ZNF16: variants seen among roughly 807,000 people sequenced by gnomAD.
The protein encoded by ZNF16 is zinc finger protein 16.
In ZNF16, 7 loss-of-function variants were observed where a neutral mutation model predicts 9.0. The observed-to-expected ratio is 0.78, with a 90% CI of 0.44 to 1.47. The LOEUF (loss-of-function observed/expected upper bound fraction) is 1.47, where lower values mean the gene tolerates loss of function less well. Among genes scored for constraint, ZNF16 ranks in the 40% most tolerant of loss-of-function variants. ZNF16 has a pLI of 0.01. For missense variants in ZNF16, 830 were observed against 854.2 expected (o/e 0.97, Z 0.35); for synonymous variants, 312 against 301.5 (o/e 1.03, Z -0.36).
intron 2 of ZNF16, among the ~76,000 whole-genome samples, chr8:144,936,641 T>G (rs1833687961): frequency 6.6e-6 from 1 of 152,226 alleles, no homozygotes; most frequent in Non-Finnish European, 1.5e-5. Context: ...ACTAATGATG[T>G]TAAGCATCTT....
At chr8:144,950,249 T>G (rs1834074934) in intron 1 of ZNF16, among the ~76,000 whole-genome samples, 3 of 151,120 alleles carry the variant, frequency 2.0e-5, no homozygotes, top group Admixed American at 1.3e-4. Flanking sequence ...GCATTCCTCT[T>G]GCTGAGATAA....
chr8:144,945,334 T>G (rs983897522), intron 2 of ZNF16: 1 of 152,098 alleles, frequency 6.6e-6, no homozygotes, highest in African/African-American at 2.4e-5. Context: ...AGACAGGGTT[T>G]TACCATGTTA....
At chr8:144,945,796 G>T in intron 2 of ZNF16, 2 of 910,540 alleles carry the variant, frequency 2.2e-6, no homozygotes, top group Non-Finnish European at 3.1e-6. Context: ...ATACCTCTTC[G>T]TGTCAAGTGG....
chr8:144,936,231 C>T (rs377639839), intron 2 of ZNF16, among the ~76,000 whole-genome samples: 6 of 152,180 alleles, frequency 3.9e-5, no homozygotes, highest in African/African-American at 1.2e-4. Flanking sequence ...GAGGTTTATC[C>T]GCGTGTAGCA....
intron 1 of ZNF16, among the ~76,000 whole-genome samples, chr8:144,946,552 G>GGGCCATACCCTTCTGT (rs1563925519): frequency 1.2e-5 from 1 of 82,014 alleles, no homozygotes; most frequent in Admixed American, 1.1e-4. Context: ...GTACTGCTGT[G>GGGCCATACCCTTCTGT]GGGCCTGTAC....
intron 1 of ZNF16, 47 bp from the exon 2 acceptor site, chr8:144,946,262 T>G: frequency 6.1e-4 from 864 of 1,412,352 alleles, no homozygotes; most frequent in Non-Finnish European, 7.4e-4. Context: ...AGGCTAGCTC[T>G]AGGGATTCAT....
chr8:144,945,677 G>C (rs988748699), intron 2 of ZNF16: 3 of 225,166 alleles, frequency 1.3e-5, no homozygotes, highest in Admixed American at 5.2e-5. Context: ...ACAAAGCCCT[G>C]GACCAGAGTA....
In ZNF16 at chr8:144,931,604, G is replaced by A. The variant is rs753593563; in HGVS notation, c.1183C>T (p.His395Tyr). 1 of 1,614,186 alleles carries A rather than the reference G, an allele frequency of 6.2e-7. No individual in the cohort carries two copies. ...TTCTCTCCAGTGTGGACCCTCTGGTGCTTCCTCAGGTGTGCACTCTGGCTG... is the reference window on the plus strand; with the variant it reads ...TTCTCTCCAGTGTGGACCCTCTGGTACTTCCTCAGGTGTGCACTCTGGCTG... ...AFSQSAHLRK[H>Y]QRVHTGEKPY... is the part of the protein sequence containing the mutation. Residue 395 changes from histidine to tyrosine, a missense_variant, in exon 3 of 3, where the codon CAC becomes TAC. Physicochemically the swap from His to Tyr is moderately conservative, Grantham distance 83 (BLOSUM62 2). Coordinates refer to ENST00000394909, the MANE Select transcript of ZNF16 (RefSeq NM_006958.3).
intron 1 of ZNF16, among the ~76,000 whole-genome samples, chr8:144,946,628 G>C (rs1833946417): frequency 8.0e-6 from 1 of 125,224 alleles, no homozygotes; most frequent in Non-Finnish European, 1.7e-5. Flanking sequence ...CCTGCTGTTG[G>C]GCCTGTGTCC....
chr8:144,939,074 TG>T (rs1833744907), intron 2 of ZNF16, among the ~76,000 whole-genome samples: 3 of 152,344 alleles, frequency 2.0e-5, no homozygotes, highest in Admixed American at 1.3e-4. Context: ...CCTTATATCC[TG>T]GGTTAAATCC....
chr8:144,943,906 G>A (rs1051324637), intron 2 of ZNF16, among the ~76,000 whole-genome samples: 1 of 152,100 alleles, frequency 6.6e-6, no homozygotes, highest in Non-Finnish European at 1.5e-5. Context: ...TTTTCTGCCT[G>A]CTCAAATCTA....
In ZNF16 at chr8:144,933,163, C is replaced by T. The variant is rs975371191; in HGVS notation, c.197-573G>A. Among the ~76,000 whole-genome samples the T allele has an allele frequency of 7.9e-5, 12 of 152,268 alleles. No homozygotes were observed. Among genetic ancestry groups the T allele is most frequent in the Admixed American group, 2.0e-4 (3 of 15,300 alleles). On this transcript the variant is annotated intron_variant, in intron 2 of 2. Transcript: ENST00000394909. The surrounding 1 kb of genome is among the most constrained non-coding windows in gnomAD (Gnocchi z 5.6). ...GAGTCACTAGTGTGGAGAGAGACCCCGTTGTACACAGAGAAGAAACCCAGC... is the reference window on the plus strand; with the variant it reads ...GAGTCACTAGTGTGGAGAGAGACCCTGTTGTACACAGAGAAGAAACCCAGC...
At chr8:144,945,304 A>C (rs1438696179) in intron 2 of ZNF16, 1 of 151,626 alleles carries the variant, frequency 6.6e-6, no homozygotes, top group Non-Finnish European at 1.5e-5. Context: ...ACACCTGGCT[A>C]ATTTTTGTAC....
In ZNF16 at chr8:144,932,678, G is replaced by A; in HGVS notation, c.197-88C>T. ...AGTCACAGTTGCACCCACTAACTGT[G>A]GAGGAGGCAAGGGGAGCAGGGGATC... On this transcript the variant is annotated intron_variant, in intron 2 of 2. Coordinates refer to ENST00000394909, the MANE Select transcript of ZNF16 (RefSeq NM_006958.3). The surrounding 1 kb of genome is among the most constrained non-coding windows in gnomAD (Gnocchi z 5.0). 1 of 1,435,490 alleles carries A rather than the reference G, an allele frequency of 7.0e-7. No individual in the cohort carries two copies. The highest frequency in any genetic ancestry group is 9.5e-7 in the Non-Finnish European group (1 of 1,055,076). The allele number at this position is 1,435,490 out of a possible 1,614,324, so 88.9% of individuals were successfully genotyped here.
In ZNF16 at chr8:144,933,244, G is replaced by A. The variant is rs139007573; in HGVS notation, c.197-654C>T. On this transcript the variant is annotated intron_variant, in intron 2 of 2. Transcript: ENST00000394909. This position sits in a 1 kb window ranked among gnomAD's most constrained non-coding sequence, Gnocchi z 5.6. ...ATGGAGGCATCATTCAACCACTCCTGTGCGGCAGGGACCTGTGTGGAACAT... is the reference window on the plus strand; with the variant it reads ...ATGGAGGCATCATTCAACCACTCCTATGCGGCAGGGACCTGTGTGGAACAT... Among the ~76,000 whole-genome samples, 145 of 152,232 alleles carry A rather than the reference G, an allele frequency of 9.5e-4. No homozygotes were observed. Among genetic ancestry groups the A allele is most frequent in the African/African-American group, 3.4e-3 (142 of 41,546 alleles).
At chr8:144,937,138 TC>T (rs1373505315) in intron 2 of ZNF16, among the ~76,000 whole-genome samples, 5,714 of 132,810 alleles carry the variant, frequency 0.043, 239 homozygotes, top group Middle Eastern at 0.086. Flanking sequence ...ACTTTCTTTC[TC>T]TCTCTTTTTT....
chr8:144,943,371 C>T (rs906962186), intron 2 of ZNF16, among the ~76,000 whole-genome samples: 14 of 152,112 alleles, frequency 9.2e-5, no homozygotes, highest in African/African-American at 3.4e-4. Flanking sequence ...TGTGTGTAGA[C>T]ATGTCTTTCA....
At position 144,934,995 on chromosome 8, in the gene ZNF16, G is replaced by C. The variant is rs28692539; in HGVS notation, c.197-2405C>G. Among the ~76,000 whole-genome samples the C allele has an allele frequency of 7.0e-3, 1,072 of 152,146 alleles. 16 individuals are homozygous for C. Among genetic ancestry groups the C allele is most frequent in the African/African-American group, 0.025 (1,026 of 41,462 alleles). On this transcript the variant is annotated intron_variant, in intron 2 of 2. Transcript: ENST00000394909. ...AGATGGCGACCATGAGGAACGGGTT[G>C]TCTAGCCCGAGCCACTGTTTAGATA... is the stretch of plus-strand genomic sequence containing the variant.
At chr8:144,943,111 A>G (rs1833842868) in intron 2 of ZNF16, among the ~76,000 whole-genome samples, 1 of 152,208 alleles carries the variant, frequency 6.6e-6, no homozygotes, top group African/African-American at 2.4e-5. Flanking sequence ...TAATTTTGCC[A>G]GATAACAGAA....
Sources: allele counts gnomAD v4.1 joint callset (sites outside exome capture counted in the v4.1 genomes callset), GRCh38; gene constraint gnomAD v4.1.1; non-coding constraint Gnocchi (gnomAD v3.1); transcripts MANE v1.5; gene names NCBI Gene and HGNC (gene_info 2026-07-23, HGNC 2026-07-21).